Variants in ODAD2 observed in about 807,000 individuals in gnomAD.
ODAD2 encodes the protein outer dynein arm-docking complex subunit 2.
ODAD2 carries 89 observed loss-of-function variants against 106.8 expected under a neutral mutation model. That is an observed-to-expected ratio of 0.83 (90% CI 0.70 to 0.99). The LOEUF (loss-of-function observed/expected upper bound fraction) is 0.99, where lower values mean the gene tolerates loss of function less well. ODAD2 is among the 50% of genes least tolerant of loss of function. ODAD2 has a pLI of 0.00. For missense variants in ODAD2, 1,168 were observed against 1,238.5 expected (o/e 0.94, Z 0.85); for synonymous variants, 404 against 436.2 (o/e 0.93, Z 0.92).
chr10:27,925,264 AG>A (rs1194048769), intron 16 of ODAD2, among the ~76,000 whole-genome samples: 1 of 152,198 alleles, frequency 6.6e-6, no homozygotes, highest in Non-Finnish European at 1.5e-5. Flanking sequence ...AATAGGAATA[AG>A]AAAAAAATCA....
intron 16 of ODAD2, among the ~76,000 whole-genome samples, chr10:27,915,043 A>G (rs1294752930): frequency 1.3e-5 from 2 of 152,092 alleles, no homozygotes; most frequent in East Asian, 3.9e-4. Context: ...GATAATCACA[A>G]TCTTCCCCCA....
intron 17 of ODAD2, among the ~76,000 whole-genome samples, chr10:27,890,587 C>A (rs1842492874): frequency 6.6e-6 from 1 of 152,012 alleles, no homozygotes; most frequent in Non-Finnish European, 1.5e-5. Context: ...GCCTCTATTG[C>A]AGCCCTCTGT....
At chr10:27,924,632 A>C (rs1343815234) in intron 16 of ODAD2, among the ~76,000 whole-genome samples, 1 of 146,776 alleles carries the variant, frequency 6.8e-6, no homozygotes, top group East Asian at 1.9e-4. Flanking sequence ...AAAAAAAAAA[A>C]AAAAAAAACA....
intron 17 of ODAD2, chr10:27,904,857 G>A (rs770915773): frequency 3.7e-4 from 57 of 152,238 alleles, no homozygotes; most frequent in Non-Finnish European, 2.4e-4. Context: ...TCTTGATGAT[G>A]AGCTGTGATA....
intron 17 of ODAD2, among the ~76,000 whole-genome samples, chr10:27,903,564 G>A (rs563503978): frequency 2.0e-5 from 3 of 152,206 alleles, no homozygotes; most frequent in East Asian, 1.9e-4. Context: ...CGTCTCAGCC[G>A]AAAATCTCCT....
At chr10:27,815,235 A>G (rs1250925677) in intron 19 of ODAD2, among the ~76,000 whole-genome samples, 2 of 152,170 alleles carry the variant, frequency 1.3e-5, no homozygotes, top group African/African-American at 4.8e-5. Context: ...ACATTTTACT[A>G]CCAAATACTC....
intron 17 of ODAD2, among the ~76,000 whole-genome samples, chr10:27,874,764 C>G (rs1048176850): frequency 7.9e-5 from 12 of 152,138 alleles, no homozygotes; most frequent in African/African-American, 2.9e-4. Context: ...GTAACCCGAA[C>G]TTTCTCTCTG....
At chr10:27,990,280 T>A (rs1850142886) in intron 2 of ODAD2, among the ~76,000 whole-genome samples, 1 of 152,140 alleles carries the variant, frequency 6.6e-6, no homozygotes, top group South Asian at 2.1e-4. Context: ...CCCAAGCAGA[T>A]GGGACTACAG....
At chr10:27,873,969 C>T (rs1841117515) in intron 17 of ODAD2, among the ~76,000 whole-genome samples, 2 of 152,088 alleles carry the variant, frequency 1.3e-5, no homozygotes, top group African/African-American at 4.8e-5. Flanking sequence ...TAAAGTCTCC[C>T]ATTATTATTG....
At position 27,959,089 on chromosome 10, in the gene ODAD2, C is replaced by A. The variant is rs1312573477; in HGVS notation, c.1386+2479G>T. ...TAGAGGCTCATGCCTGTAATCCCAG[C>A]ACTTTGGGAGGCCAATGTAGGAAGA... is the stretch of plus-strand genomic sequence containing the variant. On this transcript the variant is annotated intron_variant, in intron 10 of 19. Coordinates refer to ENST00000305242, the MANE Select transcript of ODAD2 (RefSeq NM_018076.5). The A allele has an allele frequency of 6.4e-6, 7 of 1,095,792 alleles. No individual in the cohort carries two copies. The Admixed American group carries it at 1.2e-4, about 18-fold the overall frequency. The allele number at this position is 1,095,792 out of a possible 1,614,324, so 67.9% of individuals were successfully genotyped here.
chr10:27,814,622 C>T (rs1835986393), intron 19 of ODAD2, among the ~76,000 whole-genome samples: 2 of 152,194 alleles, frequency 1.3e-5, no homozygotes, highest in South Asian at 4.1e-4. Flanking sequence ...ATGCAACCAT[C>T]TTACTTGTTT....
rs776295149 is a variant in ODAD2 at position 27,996,468 on chromosome 10, G to A, written c.-38-1288C>T. Among the ~76,000 whole-genome samples the A allele has an allele frequency of 3.9e-5, 6 of 152,036 alleles. No individual in the cohort carries two copies. The South Asian group carries it at 6.2e-4, about 16-fold the overall frequency. On this transcript the variant is annotated intron_variant, in intron 1 of 19. Transcript: ENST00000305242. ...ACATGATAGGAAAGGGGGCATTATC[G>A]GCCTTTAGTGTTGAGGACCGACAAT...
intron 19 of ODAD2, chr10:27,853,294 G>C (rs1455347145): frequency 3.9e-6 from 1 of 255,000 alleles, no homozygotes; most frequent in Non-Finnish European, 7.8e-6. Context: ...TTGAATCCGG[G>C]AGGTGGAGGT....
At chr10:27,851,610 A>G (rs974075022) in intron 19 of ODAD2, among the ~76,000 whole-genome samples, 2 of 152,124 alleles carry the variant, frequency 1.3e-5, no homozygotes, top group African/African-American at 4.8e-5. Flanking sequence ...CTTGAAGACA[A>G]AGAAAAAAAT....
intron 3 of ODAD2, 27 bp from the exon 4 acceptor site, chr10:27,985,238 AAT>A: frequency 6.9e-7 from 1 of 1,458,382 alleles, no homozygotes; most frequent in African/African-American, 1.4e-5. Context: ...AAAGGAGACA[AAT>A]AAAAATTATC....
At position 27,971,299 on chromosome 10, in the gene ODAD2, A is replaced by G. The variant is rs1183657222; in HGVS notation, c.951T>C (p.Ser317=). The change falls in exon 8 of 20, where the codon AGT becomes AGC. Residue 317 remains serine, a synonymous_variant. Transcript: ENST00000305242. ...ENMSKLGISF[S]EDQQKEKDQL... ...GATCCTTTTCCTTTTGCTGGTCTTC[A>G]CTGAAGCTAATTCCCTTTATTTAAA... 5.6e-6 allele frequency: 9 copies of G among 1,605,822 alleles called. No individual in the cohort carries two copies. The highest frequency in any genetic ancestry group is 3.3e-4 in the Middle Eastern group (2 of 6,030).
intron 17 of ODAD2, among the ~76,000 whole-genome samples, chr10:27,886,972 A>C (rs1253008524): frequency 6.6e-6 from 1 of 152,048 alleles, no homozygotes; most frequent in Non-Finnish European, 1.5e-5. Context: ...ATAAAAGGCT[A>C]TAAAACATAC....
chr10:27,950,748 G>C (rs371223500), intron 10 of ODAD2, among the ~76,000 whole-genome samples: 11 of 152,024 alleles, frequency 7.2e-5, no homozygotes, highest in African/African-American at 2.4e-4. Flanking sequence ...CACCATGCCT[G>C]ACCCATATGC....
rs1203959904 is a variant in ODAD2 at position 27,961,578 on chromosome 10, T to C, written c.1376A>G (p.Lys459Arg). The C allele has an allele frequency of 6.2e-6, 10 of 1,610,542 alleles. No individual in the cohort carries two copies. The highest frequency in any genetic ancestry group is 6.8e-6 in the Non-Finnish European group (8 of 1,178,882). ...ATAGACCTTTCTTACCTTTAAATAT[T>C]TCACCAGCTTCTGAATTTGCCAATA... ...SEYWQIQKLV[K>R]YLKGGNQTAT... The change falls in exon 10 of 20, where the codon AAA becomes AGA. Residue 459 changes from lysine to arginine, a missense_variant. Around this residue, in one of 3 missense-constraint regions of ODAD2, gnomAD observed 37 missense variants for 74.1 expected, o/e 0.50. Transcript: ENST00000305242.
Sources: allele counts gnomAD v4.1 joint callset (sites outside exome capture counted in the v4.1 genomes callset), GRCh38; gene constraint gnomAD v4.1.1; regional missense constraint gnomAD v4.1.1; transcripts MANE v1.5; gene names NCBI Gene and HGNC (gene_info 2026-07-23, HGNC 2026-07-21).